FGR: variants seen among roughly 807,000 people sequenced by gnomAD.
FGR encodes the protein FGR proto-oncogene, Src family tyrosine kinase.
In FGR, 26 loss-of-function variants were observed where a neutral mutation model predicts 63.2. The ratio of observed to expected loss-of-function variants is 0.41; its 90% CI spans 0.30 to 0.57. The LOEUF (loss-of-function observed/expected upper bound fraction) is 0.57, where lower values mean the gene tolerates loss of function less well. FGR is among the 20% of genes least tolerant of loss of function. The pLI, the probability that FGR is intolerant of heterozygous loss-of-function variation, is 0.27. For synonymous variants in FGR, 286 were observed against 277.7 expected (o/e 1.03, Z -0.30); for missense variants, 511 against 690.8 (o/e 0.74, Z 2.92).
chr1:27,630,135 C>A (rs1158293807), intron 1 of FGR, among the ~76,000 whole-genome samples: 1 of 152,158 alleles, frequency 6.6e-6, no homozygotes, highest in Non-Finnish European at 1.5e-5. Context: ...TCACTGCAAC[C>A]TCCGCCTCCT....
In FGR at chr1:27,618,276, C is replaced by T. The variant is rs576588138; in HGVS notation, c.429-980G>A. On this transcript the variant is annotated intron_variant, in intron 5 of 12. Coordinates refer to ENST00000374005, the MANE Select transcript of FGR (RefSeq NM_005248.3). ...TTTCAAAGCCCTCCCCGCTCCCACA[C>T]GCATGACATTAGCTACCTCCTTAAT... Among the ~76,000 whole-genome samples, 8 of 152,278 alleles carry T rather than the reference C, an allele frequency of 5.3e-5. No individual in the cohort carries two copies. In the South Asian group the frequency reaches 8.3e-4, roughly 16 times the overall value.
Position 27,615,813 on chromosome 1 carries a change from G to T in FGR, c.714C>A (p.Ile238=). Residue 238 remains isoleucine (I), a synonymous_variant, in exon 8 of 13, where the codon ATC becomes ATA. Transcript: ENST00000374005. This position sits in a 1 kb window ranked among gnomAD's most constrained non-coding sequence, Gnocchi z 7.6. The part of the protein sequence containing the change: ...EVNDGLCNLL[I]APCTIMKPQT... ...GCGGCTTCATGATGGTGCAGGGCGCGATGAGCAGGTTGCACAGCCCGTCAT... is the reference window on the plus strand; with the variant it reads ...GCGGCTTCATGATGGTGCAGGGCGCTATGAGCAGGTTGCACAGCCCGTCAT... 2 of 1,597,950 alleles carry T rather than the reference G, an allele frequency of 1.3e-6. No individual in the cohort carries two copies. The highest frequency in any genetic ancestry group is 2.3e-5 in the South Asian group (2 of 88,540).
intron 1 of FGR, among the ~76,000 whole-genome samples, chr1:27,630,793 C>T (rs757730611): frequency 6.6e-6 from 1 of 152,104 alleles, no homozygotes; most frequent in Non-Finnish European, 1.5e-5. Flanking sequence ...GAGTCGCCTC[C>T]GAGATCCCCA....
At chr1:27,627,796 A>C (rs930399594) in intron 1 of FGR, among the ~76,000 whole-genome samples, 6 of 152,098 alleles carry the variant, frequency 3.9e-5, no homozygotes, top group Non-Finnish European at 7.4e-5. Flanking sequence ...TTTAGTAGCG[A>C]TGGGTTTTCA....
At chr1:27,630,970 C>T (rs916967209) in intron 1 of FGR, among the ~76,000 whole-genome samples, 5 of 152,186 alleles carry the variant, frequency 3.3e-5, no homozygotes, top group Non-Finnish European at 5.9e-5. Context: ...TGCATCTGCA[C>T]CTTCTGAGTA....
rs1176103466 is a variant in FGR at position 27,615,751 on chromosome 1, C to T, written c.776G>A (p.Ser259Asn). ...GCGCTCCAGCGTGATGGAGCTGCGG[C>T]TGATCTCCCAGGCGTCCTTGGCCAG... ...LGLAKDAWEI[S>N]RSSITLERRL... The change falls in exon 8 of 13, where the codon AGC becomes AAC. Residue 259 changes from serine to asparagine, a missense_variant. Physicochemically the swap from Ser to Asn is conservative, Grantham distance 46. Transcript: ENST00000374005. The surrounding 1 kb of genome is among the most constrained non-coding windows in gnomAD (Gnocchi z 7.6). The T allele has an allele frequency of 6.2e-7, 1 of 1,608,420 alleles. No homozygotes were observed. The highest frequency in any genetic ancestry group is 1.7e-5 in the Admixed American group (1 of 59,480).
chr1:27,612,922 G>C lies in FGR; in HGVS notation c.1582C>G (p.Gln528Glu). The C allele has an allele frequency of 1.2e-6, 2 of 1,613,640 alleles. No homozygotes were observed. Among genetic ancestry groups the C allele is most frequent in the Non-Finnish European group, 1.7e-6 (2 of 1,179,830 alleles). The change falls in exon 13 of 13, where the codon CAG becomes GAG. Residue 528 changes from glutamine (Q) to glutamate (E), a missense_variant. Transcript: ENST00000374005. ...SAEPQYQPGDQT is the reference protein window; with the variant it reads ...SAEPQYQPGDET ...GTTGATGCCCGGACAGGCTATGTCT[G>C]ATCCCCGGGCTGGTACTGTGGTTCA...
In FGR at chr1:27,616,271, C is replaced by A. The variant is rs1161336329; in HGVS notation, c.683-427G>T. On this transcript the variant is annotated intron_variant, in intron 7 of 12. Coordinates refer to ENST00000374005, the MANE Select transcript of FGR (RefSeq NM_005248.3). The surrounding 1 kb of genome is among the most constrained non-coding windows in gnomAD (Gnocchi z 4.3). Reference sequence around the variant, plus strand: ...GGCATTGACTCCTGCCTTCCCTTCACCCCCACAGCCAATTCTCCACCAAGT... The same window carrying A: ...GGCATTGACTCCTGCCTTCCCTTCAACCCCACAGCCAATTCTCCACCAAGT... Among the ~76,000 whole-genome samples, 4 of 152,198 alleles carry A rather than the reference C, an allele frequency of 2.6e-5. No homozygotes were observed. The highest frequency in any genetic ancestry group is 5.9e-5 in the Non-Finnish European group (4 of 68,022).
At chr1:27,618,232 A>G (rs896546230) in intron 5 of FGR, among the ~76,000 whole-genome samples, 3 of 152,152 alleles carry the variant, frequency 2.0e-5, no homozygotes, top group Admixed American at 6.5e-5. Flanking sequence ...CTGTATAGAC[A>G]GGACACATTG....
chr1:27,627,025 T>C (rs2090032431), intron 1 of FGR, among the ~76,000 whole-genome samples: 1 of 151,956 alleles, frequency 6.6e-6, no homozygotes, highest in Non-Finnish European at 1.5e-5. Flanking sequence ...TTTTTTTAAT[T>C]AGCCAGTCCT....
At chr1:27,620,991 C>CAAAAAAAAAAAAAAAAAAAAAAAAAAAA (rs59265327) in intron 5 of FGR, among the ~76,000 whole-genome samples, 5 of 22,038 alleles carry the variant, frequency 2.3e-4, no homozygotes, top group African/African-American at 5.4e-4. Flanking sequence ...GACCCTGTCT[C>CAAAAAAAAAAAAAAAAAAAAAAAAAAAA]AAAAAAAAAA....
intron 5 of FGR, among the ~76,000 whole-genome samples, chr1:27,620,762 A>C (rs2089905081): frequency 6.7e-6 from 1 of 150,074 alleles, no homozygotes; most frequent in Non-Finnish European, 1.5e-5. Flanking sequence ...TCGGTGGCTC[A>C]TGGCTGTAAT....
chr1:27,619,142 C>T (rs1443714487), intron 5 of FGR, among the ~76,000 whole-genome samples: 2 of 152,306 alleles, frequency 1.3e-5, no homozygotes, highest in Middle Eastern at 3.4e-3. Context: ...ACCTTTTGCA[C>T]TCTCCACTCT....
rs2090162005 is a variant in FGR, at chr1:27,635,164, A to T, written c.-176T>A. On this transcript the variant is annotated 5_prime_UTR_variant, in exon 1 of 13. Transcript: ENST00000374005. The stretch of plus-strand genomic sequence containing the variant: ...AGAACTGGGGTGCTGCCCGCCTCTG[A>T]CCGCCGCCCCTGCTGGGCAGGGAGG... The T allele has an allele frequency of 6.6e-6, 1 of 152,102 alleles. No individual in the cohort carries two copies. The highest frequency in any genetic ancestry group is 2.4e-5 in the African/African-American group (1 of 41,374). 9.4% of individuals were successfully genotyped at this position (152,102 alleles called of 1,614,324 possible).
intron 1 of FGR, among the ~76,000 whole-genome samples, chr1:27,632,045 C>G (rs1036827741): frequency 6.6e-6 from 1 of 151,376 alleles, no homozygotes; most frequent in African/African-American, 2.4e-5. Context: ...CTCACCGAGA[C>G]CCTCCACCTG....
intron 1 of FGR, among the ~76,000 whole-genome samples, chr1:27,628,736 C>T (rs1216412005): frequency 1.3e-5 from 2 of 152,214 alleles, no homozygotes; most frequent in African/African-American, 4.8e-5. Flanking sequence ...CTGAATTCTG[C>T]ATGCCCAGTA....
At position 27,613,009 on chromosome 1, in the gene FGR, G is replaced by A. The variant is rs777247084; in HGVS notation, c.1495C>T (p.Pro499Ser). The A allele has an allele frequency of 6.2e-7, 1 of 1,614,212 alleles. No homozygotes were observed. The highest frequency in any genetic ancestry group is 1.6e-4 in the Middle Eastern group (1 of 6,062). ...EAMEQTWRLD[P>S]EERPTFEYLQ... ...TACTCGAAGGTAGGCCTCTCCTCCG[G>A]GTCCAGACGCCAGGTCTGTTCCATG... Residue 499 changes from proline to serine, a missense_variant, in exon 13 of 13, where the codon CCG becomes TCG. By Grantham distance (74) the Pro-to-Ser change is moderately conservative. Transcript: ENST00000374005.
Position 27,612,876 on chromosome 1 carries a change from T to C in FGR, c.*38A>G, listed in dbSNP as rs537908267. 4 of 1,581,662 alleles carry C rather than the reference T, an allele frequency of 2.5e-6. No homozygotes were observed. In the South Asian group the frequency reaches 3.4e-5, roughly 13 times the overall value. On this transcript the variant is annotated 3_prime_UTR_variant, in exon 13 of 13. Transcript: ENST00000374005. The stretch of plus-strand genomic sequence containing the variant: ...AACAGCTCTGGGGATTGGCAAGGAC[T>C]GGTGGCCACCGCCAGAGAGGGTTGA...
At chr1:27,614,348 G>A (rs999794377) in intron 11 of FGR, 82 bp downstream of exon 11, 1 of 1,467,812 alleles carries the variant, frequency 6.8e-7, no homozygotes. Flanking sequence ...CTGGAGTGAG[G>A]AAGGGTTCCT....
Sources: allele counts gnomAD v4.1 joint callset (sites outside exome capture counted in the v4.1 genomes callset), GRCh38; gene constraint gnomAD v4.1.1; non-coding constraint Gnocchi (gnomAD v3.1); transcripts MANE v1.5; gene names NCBI Gene and HGNC (gene_info 2026-07-23, HGNC 2026-07-21).